Variants in LDB1 observed in about 807,000 individuals in gnomAD.
The protein encoded by LDB1 is LIM domain binding 1.
LDB1 carries 6 observed loss-of-function variants against 49.7 expected under a neutral mutation model. That is an observed-to-expected ratio of 0.12 (90% CI 0.07 to 0.24). The LOEUF is 0.24. Among genes scored for constraint, LDB1 ranks in the 10% least tolerant of loss-of-function variants. The pLI is 1.00. For missense variants in LDB1, 341 were observed against 561.7 expected (o/e 0.61, Z 3.97); for synonymous variants, 233 against 202.0 (o/e 1.15, Z -1.30).
At position 102,117,845 on chromosome 10, in the gene LDB1, G is replaced by A. The variant is rs1420940245; in HGVS notation, c.25+2241C>T. Among the ~76,000 whole-genome samples, 1 of 152,190 alleles carries A rather than the reference G, an allele frequency of 6.6e-6. No individual in the cohort carries two copies. The highest frequency in any genetic ancestry group is 2.4e-5 in the African/African-American group (1 of 41,450). ...TGGTCCTCACCCCAGGAGCAATATG[G>A]GTGTTGGGCATGTGTATGTGTGTAT... On this transcript the variant is annotated intron_variant, in intron 1 of 10. Coordinates refer to ENST00000673968, the MANE Select transcript of LDB1 (RefSeq NM_001113407.3). The surrounding 1 kb of genome is among the most constrained non-coding windows in gnomAD (Gnocchi z 4.2).
At chr10:102,106,410 T>C (rs555878964), downstream of LDB1, among the ~76,000 whole-genome samples, 107 of 151,186 alleles carry the variant, frequency 7.1e-4, 3 homozygotes, top group South Asian at 0.022. Flanking sequence ...CAATTCATAG[T>C]CTTAGGAACT....
rs982329536 is a variant in LDB1, at chr10:102,108,067, G to A, written c.*26C>T. The stretch of plus-strand genomic sequence containing the variant: ...GTGAGGGGTGGGGCAGGTAGGCAGA[G>A]CACTGGGTGGCCACAGCAGGGCCTT... On this transcript the variant is annotated 3_prime_UTR_variant, in exon 11 of 11. Coordinates refer to ENST00000673968, the MANE Select transcript of LDB1 (RefSeq NM_001113407.3). The A allele has an allele frequency of 4.5e-6, 7 of 1,555,424 alleles. No homozygotes were observed. Among genetic ancestry groups the A allele is most frequent in the Non-Finnish European group, 6.2e-6 (7 of 1,127,728 alleles).
At chr10:102,114,812 G>GGGGGCCCCCC in intron 1 of LDB1, 183 of 929,644 alleles carry the variant, frequency 2.0e-4, no homozygotes, top group Middle Eastern at 5.5e-4. Context: ...CCTCCGAGCA[G>GGGGGCCCCCC]CCCGCCCGCC....
At chr10:102,118,657 A>G (rs754976860) in intron 1 of LDB1, among the ~76,000 whole-genome samples, 2 of 152,176 alleles carry the variant, frequency 1.3e-5, no homozygotes, top group African/African-American at 2.4e-5. Context: ...GCTTGTTCAG[A>G]TCCTTAGTTT....
chr10:102,106,073 A>G (rs1006420150), downstream of LDB1, among the ~76,000 whole-genome samples: 2 of 152,084 alleles, frequency 1.3e-5, no homozygotes, highest in Admixed American at 1.3e-4. Context: ...AAGTACCCCA[A>G]GACCATCTAA....
chr10:102,112,148 A>C (rs1386668545), intron 1 of LDB1, among the ~76,000 whole-genome samples: 1 of 152,252 alleles, frequency 6.6e-6, no homozygotes. Flanking sequence ...GAATGATTAC[A>C]GAATAAATAA....
Position 102,109,541 on chromosome 10 carries a change from A to C in LDB1, c.733-34T>G. 1 of 1,614,014 alleles carries C rather than the reference A, an allele frequency of 6.2e-7. No individual in the cohort carries two copies. The highest frequency in any genetic ancestry group is 1.3e-5 in the African/African-American group (1 of 74,960). Reference sequence around the variant, plus strand: ...AGACAAGGAGGTGGCTTGTCAGGGGACAGACATGGAGCCGAGACTAAATGG... The same window carrying C: ...AGACAAGGAGGTGGCTTGTCAGGGGCCAGACATGGAGCCGAGACTAAATGG... On this transcript the variant is annotated intron_variant, in intron 8 of 10. Transcript: ENST00000673968. This position sits in a 1 kb window ranked among gnomAD's most constrained non-coding sequence, Gnocchi z 5.8.
chr10:102,107,866 T>A lies in LDB1; in HGVS notation c.*227A>T, dbSNP rs1211920338. 8 of 584,328 alleles carry A rather than the reference T, an allele frequency of 1.4e-5. No individual in the cohort carries two copies. The highest frequency in any genetic ancestry group is 2.1e-5 in the Non-Finnish European group (7 of 327,028). 36.2% of individuals were successfully genotyped at this position (584,328 alleles called of 1,614,324 possible). On this transcript the variant is annotated 3_prime_UTR_variant, in exon 11 of 11. Transcript: ENST00000673968. ...CCCAGGTTCCAAGTAGGCATCCACA[T>A]GAGTACCCCCTCCCCCTAAAAGGCT...
Position 102,109,466 on chromosome 10 carries a change from G to A in LDB1, c.774C>T (p.Arg258=). 6.2e-7 allele frequency: 1 copy of A among 1,614,182 alleles called. No homozygotes were observed. Among genetic ancestry groups the A allele is most frequent in the African/African-American group, 1.3e-5 (1 of 75,046 alleles). The change falls in exon 9 of 11, where the codon CGC becomes CGT. Residue 258 remains arginine (R), a synonymous_variant. Coordinates refer to ENST00000673968, the MANE Select transcript of LDB1 (RefSeq NM_001113407.3). The surrounding 1 kb of genome is among the most constrained non-coding windows in gnomAD (Gnocchi z 5.8). ...ILEPMQELMS[R]HKTYSLSPRD... ...GGGGGCTGAGGCTGTAGGTCTTGTGGCGTGACATGAGCTCTTGCATGGGCT... is the reference window on the plus strand; with the variant it reads ...GGGGGCTGAGGCTGTAGGTCTTGTGACGTGACATGAGCTCTTGCATGGGCT...
intron 1 of LDB1, among the ~76,000 whole-genome samples, chr10:102,112,810 A>C (rs541449561): frequency 6.6e-6 from 1 of 152,162 alleles, no homozygotes; most frequent in Non-Finnish European, 1.5e-5. Context: ...GGGTCTCACT[A>C]GTGTGTATCT....
In LDB1 at chr10:102,111,536, C is replaced by A. The variant is rs780482579; in HGVS notation, c.26G>T (p.Gly9Val). The A allele has an allele frequency of 5.3e-6, 8 of 1,518,854 alleles. No individual in the cohort carries two copies. Among genetic ancestry groups the A allele is most frequent in the Non-Finnish European group, 7.1e-6 (8 of 1,133,416 alleles). 94.1% of individuals were successfully genotyped at this position (1,518,854 alleles called of 1,614,324 possible). A position where few individuals can be genotyped will look rare whatever the true frequency, so the allele number is the denominator to read the frequency against. Residue 9 changes from glycine (G) to valine (V), a missense_variant and splice_region_variant, in exon 2 of 11, where the codon GGT becomes GTT. Gly to Val is a moderately radical substitution (Grantham distance 109). This residue lies in a region of LDB1 where 7 missense variants were observed against 24.9 expected (regional missense o/e 0.28). Transcript: ENST00000673968. MSVGCACP[G>V]CSSKSFKLYS... ...CAGCTTGAATGACTTTGAGGAACAA[C>A]CTAGACGAGAAAGAAAGGAGTCATA... is the stretch of plus-strand genomic sequence containing the variant.
chr10:102,110,808 TA>T, intron 5 of LDB1, 60 bp downstream of exon 5: 1 of 1,584,958 alleles, frequency 6.3e-7, no homozygotes, highest in East Asian at 2.2e-5. Context: ...GACCCACTTC[TA>T]GACCTTAGAA....
chr10:102,109,936 G>T lies in LDB1; in HGVS notation c.633C>A (p.Ser211Arg). 6.2e-7 allele frequency: 1 copy of T among 1,609,950 alleles called. No individual in the cohort carries two copies. ...CACGACTCACATGCATGGCAAGGAT[G>T]CTGCGGGGGATGAGCTCTCGGTGCT... ...IRQHRELIPR[S>R]ILAMHAQDPQ... is the part of the protein sequence containing the mutation. The change falls in exon 7 of 11, where the codon AGC becomes AGA. Residue 211 changes from serine to arginine, a missense_variant. Physicochemically the swap from Ser to Arg is moderately radical, Grantham distance 110 (BLOSUM62 -1). Transcript: ENST00000673968. This position sits in a 1 kb window ranked among gnomAD's most constrained non-coding sequence, Gnocchi z 5.8.
In LDB1 at chr10:102,106,767, C is replaced by T. The variant is rs1207377178; in HGVS notation, c.*1326G>A. Among the ~76,000 whole-genome samples the T allele has an allele frequency of 6.6e-6, 1 of 151,954 alleles. No individual in the cohort carries two copies. Among genetic ancestry groups the T allele is most frequent in the Non-Finnish European group, 1.5e-5 (1 of 67,992 alleles). On this transcript the variant is annotated 3_prime_UTR_variant, in exon 11 of 11. Coordinates refer to ENST00000673968, the MANE Select transcript of LDB1 (RefSeq NM_001113407.3). Reference sequence around the variant, plus strand: ...TCCTGGGACTGGCCACAGGAAAAGGCAGCAAAGCCACAGAGCTGGACCAGC... The same window carrying T: ...TCCTGGGACTGGCCACAGGAAAAGGTAGCAAAGCCACAGAGCTGGACCAGC...
At chr10:102,114,066 G>A (rs1360791737) in intron 1 of LDB1, among the ~76,000 whole-genome samples, 1 of 152,208 alleles carries the variant, frequency 6.6e-6, no homozygotes, top group Non-Finnish European at 1.5e-5. Context: ...GAGGAGATGT[G>A]TCATCCAGCC....
At chr10:102,120,453 G>A, upstream of LDB1, 2 of 951,466 alleles carry the variant, frequency 2.1e-6, no homozygotes, top group Non-Finnish European at 2.5e-6. Context: ...CTCCGCCCTC[G>A]CGCTCGCGCT....
chr10:102,105,354 T>C (rs940517594), downstream of LDB1, among the ~76,000 whole-genome samples: 5 of 152,100 alleles, frequency 3.3e-5, no homozygotes, highest in Non-Finnish European at 4.4e-5. Context: ...TAACTGTAGA[T>C]TGGAGATTGG....
chr10:102,105,564 A>G (rs907912729), downstream of LDB1, among the ~76,000 whole-genome samples: 5 of 152,098 alleles, frequency 3.3e-5, no homozygotes, highest in Admixed American at 2.0e-4. Context: ...CCCATCTCCA[A>G]TCTACAGCGG....
chr10:102,120,307 C>A lies in LDB1; in HGVS notation c.-197G>T. 1.0e-6 allele frequency: 1 copy of A among 984,270 alleles called. No homozygotes were observed. The highest frequency in any genetic ancestry group is 1.2e-6 in the Non-Finnish European group (1 of 829,712). 61.0% of individuals were successfully genotyped at this position (984,270 alleles called of 1,614,324 possible). Reference sequence around the variant, plus strand: ...AGGCGCGGAGCAGACAGGAAGGAAGCCAGGCAGGAAGGCGAGCGGCCTCTG... The same window carrying A: ...AGGCGCGGAGCAGACAGGAAGGAAGACAGGCAGGAAGGCGAGCGGCCTCTG... On this transcript the variant is annotated 5_prime_UTR_variant, in exon 1 of 11. Transcript: ENST00000673968.
Sources: gnomAD v4.1 joint callset for allele counts (sites outside exome capture counted in the v4.1 genomes callset) on GRCh38, gnomAD v4.1.1 for gene constraint, gnomAD v4.1.1 regional missense constraint, Gnocchi (gnomAD v3.1) non-coding constraint, MANE v1.5 for transcripts, NCBI Gene and HGNC (gene_info 2026-07-23, HGNC 2026-07-21) for gene names.